OCM: variants seen among roughly 807,000 people sequenced by gnomAD.
The protein encoded by OCM is oncomodulin, also known as oncomodulin-1.
Under a neutral mutation model 14.1 loss-of-function variants are expected in OCM, and 18 were observed. The ratio of observed to expected loss-of-function variants is 1.28; its 90% CI spans 0.88 to 1.89. The LOEUF (loss-of-function observed/expected upper bound fraction) is 1.89, where lower values mean the gene tolerates loss of function less well. Among genes scored for constraint, OCM ranks in the 40% most tolerant of loss-of-function variants. The probability of loss-of-function intolerance (pLI) is 0.00; values close to 1 mark genes in which losing one functional copy is unlikely to be tolerated. For synonymous variants in OCM, 48 were observed against 51.0 expected, an observed-to-expected ratio of 0.94 and a Z score of 0.25; for missense variants, 140 against 137.6, an observed-to-expected ratio of 1.02 and a Z score of -0.09.
the OCM span, among the ~76,000 whole-genome samples, chr7:5,874,335 A>T: frequency 8.6e-5 from 13 of 151,172 alleles, no homozygotes; most frequent in African/African-American, 2.9e-4. Context: ...CTACTGAATC[A>T]CTGTTTAAAA....
At chr7:5,861,801 AC>A in the OCM span, among the ~76,000 whole-genome samples, 25 of 151,740 alleles carry the variant, frequency 1.6e-4, no homozygotes, top group Admixed American at 5.3e-4. Flanking sequence ...CTGGTCTCAA[AC>A]CCCTGGGCTC....
chr7:5,866,156 T>C, the OCM span, among the ~76,000 whole-genome samples: 3 of 148,796 alleles, frequency 2.0e-5, no homozygotes, highest in Non-Finnish European at 1.5e-5. Flanking sequence ...CCCCAGTCTC[T>C]ACAAAAAAAA....
chr7:5,880,327 C>G (rs1371689165), upstream of OCM, among the ~76,000 whole-genome samples: 1 of 150,674 alleles, frequency 6.6e-6, no homozygotes. Flanking sequence ...TTCTTTGGGT[C>G]ATTTTTTTTT....
the OCM span, among the ~76,000 whole-genome samples, chr7:5,862,891 ACTCC>A: frequency 1.3e-5 from 2 of 150,626 alleles, no homozygotes; most frequent in Non-Finnish European, 2.9e-5. Flanking sequence ...TGGACTCTTT[ACTCC>A]CTCTTTTCAT....
At chr7:5,871,175 C>T in the OCM span, among the ~76,000 whole-genome samples, 2 of 139,324 alleles carry the variant, frequency 1.4e-5, no homozygotes, top group African/African-American at 5.1e-5. Flanking sequence ...AGTGAGAGCC[C>T]CCCCCCCGTC....
chr7:5,878,606 G>C (rs550023959), upstream of OCM, among the ~76,000 whole-genome samples: 1 of 151,784 alleles, frequency 6.6e-6, no homozygotes, highest in East Asian at 2.0e-4. Flanking sequence ...AATTAGCCGG[G>C]TGTTGTGGCG....
upstream of OCM, among the ~76,000 whole-genome samples, chr7:5,876,858 T>C (rs1781106092): frequency 6.6e-6 from 1 of 150,624 alleles, no homozygotes; most frequent in Non-Finnish European, 1.5e-5. Context: ...CAGGCCAGAG[T>C]GCAATGGTGC....
At chr7:5,868,601 C>T in the OCM span, among the ~76,000 whole-genome samples, 1 of 152,080 alleles carries the variant, frequency 6.6e-6, no homozygotes, top group African/African-American at 2.4e-5. Context: ...AAGACATAGC[C>T]AGTAGTCTCT....
the OCM span, among the ~76,000 whole-genome samples, chr7:5,869,563 A>C: frequency 6.6e-6 from 1 of 152,074 alleles, no homozygotes; most frequent in South Asian, 2.1e-4. Context: ...GCACCACTGC[A>C]CTCCAGCCAT....
intron 3 of OCM, among the ~76,000 whole-genome samples, chr7:5,885,637 G>C (rs563745470): frequency 6.9e-6 from 1 of 144,652 alleles, no homozygotes; most frequent in African/African-American, 2.6e-5. Flanking sequence ...TTGAGTTGGA[G>C]TCTGGCTCTC....
At chr7:5,880,375 CA>C (rs1266898390), upstream of OCM, among the ~76,000 whole-genome samples, 1 of 151,674 alleles carries the variant, frequency 6.6e-6, no homozygotes, top group Admixed American at 6.6e-5. Context: ...GGCTCTGAGA[CA>C]AAAAAGGCTG....
At chr7:5,862,617 T>C in the OCM span, among the ~76,000 whole-genome samples, 4 of 152,238 alleles carry the variant, frequency 2.6e-5, no homozygotes, top group African/African-American at 9.6e-5. Context: ...CTTTATGTTA[T>C]GTAAAATGCA....
chr7:5,871,240 A>C, the OCM span, among the ~76,000 whole-genome samples: 5 of 151,654 alleles, frequency 3.3e-5, no homozygotes, highest in African/African-American at 1.2e-4. Context: ...CCATAGTCAC[A>C]GCTACTTGGG....
At chr7:5,864,892 C>T in the OCM span, among the ~76,000 whole-genome samples, 1,133 of 151,942 alleles carry the variant, frequency 7.5e-3, 25 homozygotes, top group East Asian at 0.075. Context: ...GAGCCGACAT[C>T]GCACCATTAC....
chr7:5,874,636 C>G, the OCM span, among the ~76,000 whole-genome samples: 1 of 151,964 alleles, frequency 6.6e-6, no homozygotes, highest in African/African-American at 2.4e-5. Flanking sequence ...TCCCGAGTAG[C>G]TGGGACCATA....
intron 1 of OCM, among the ~76,000 whole-genome samples, chr7:5,881,804 A>T (rs1781220497): frequency 6.6e-6 from 1 of 151,890 alleles, no homozygotes; most frequent in Non-Finnish European, 1.5e-5. Context: ...ACATCACTGA[A>T]AGGCCAGGTG....
chr7:5,863,908 A>C, the OCM span, among the ~76,000 whole-genome samples: 1 of 152,078 alleles, frequency 6.6e-6, no homozygotes, highest in Non-Finnish European at 1.5e-5. Flanking sequence ...GATGTTGTCT[A>C]GGGAACCTGG....
At position 5,880,882 on chromosome 7, in the gene OCM, G is replaced by A. The variant is rs1781197911; in HGVS notation, c.-8G>A. 1 of 1,613,934 alleles carries A rather than the reference G, an allele frequency of 6.2e-7. No homozygotes were observed. Among genetic ancestry groups the A allele is most frequent in the Non-Finnish European group, 8.5e-7 (1 of 1,179,834 alleles). ...GCCTCTCATTTATTCTGTGTGAGTA[G>A]GTAGAAAATGAGCATCACGGACGTG... On this transcript the variant is annotated 5_prime_UTR_variant, in exon 1 of 4. The change abolishes the stop of an existing upstream ORF in the 5' untranslated region. Coordinates refer to ENST00000242104, the MANE Select transcript of OCM (RefSeq NM_001097622.2).
the OCM span, among the ~76,000 whole-genome samples, chr7:5,865,419 C>T: frequency 6.6e-6 from 1 of 152,088 alleles, no homozygotes; most frequent in Non-Finnish European, 1.5e-5. Flanking sequence ...GGCATCAAAA[C>T]CCTAGAAAGT....
Sources: allele counts gnomAD v4.1 joint callset (sites outside exome capture counted in the v4.1 genomes callset), GRCh38; gene constraint gnomAD v4.1.1; transcripts MANE v1.5; gene names NCBI Gene and HGNC (gene_info 2026-07-23, HGNC 2026-07-21).